GAD2: variants seen among roughly 807,000 people sequenced by gnomAD.
The protein encoded by GAD2 is 65 kDa glutamic acid decarboxylase.
GAD2 carries 22 observed loss-of-function variants against 80.1 expected under a neutral mutation model. That is an observed-to-expected ratio of 0.27 (90% CI 0.20 to 0.39). The LOEUF is 0.39. GAD2 is among the 10% of genes least tolerant of loss of function. The probability of loss-of-function intolerance (pLI) is 1.00; values close to 1 mark genes in which losing one functional copy is unlikely to be tolerated. For missense variants in GAD2, 624 were observed against 738.4 expected (o/e 0.85, Z 1.80); for synonymous variants, 274 against 256.9 (o/e 1.07, Z -0.64).
rs530029416 is a variant in GAD2, at chr10:26,294,779, A to T, written c.1584+1788A>T. On this transcript the variant is annotated intron_variant, in intron 15 of 15. Transcript: ENST00000376261. Reference sequence around the variant, plus strand: ...ATGAGTAGAGGTCGCATTGGATAAGATGATCGGTGCAGGCAATAACAACGA... The same window carrying T: ...ATGAGTAGAGGTCGCATTGGATAAGTTGATCGGTGCAGGCAATAACAACGA... Among the ~76,000 whole-genome samples the T allele has an allele frequency of 4.5e-4, 68 of 152,308 alleles. 1 individual carries two copies. The South Asian group carries it at 0.012, about 28-fold the overall frequency.
At position 26,224,678 on chromosome 10, in the gene GAD2, G is replaced by GT. The variant is rs1254188639; in HGVS notation, c.724+33dup. Reference sequence around the variant, plus strand: ...TACATGATATTTCAACTTTCTTTGTGTTTTTTCTTCTAATATGCAATGCCT... The same window carrying GT: ...TACATGATATTTCAACTTTCTTTGTGTTTTTTTCTTCTAATATGCAATGCCT... On this transcript the variant is annotated intron_variant, in intron 6 of 15. Transcript: ENST00000376261. 3.3e-6 allele frequency: 5 copies of GT among 1,529,538 alleles called. No homozygotes were observed. The East Asian group carries it at 6.7e-5, about 21-fold the overall frequency. 94.7% of individuals were successfully genotyped at this position (1,529,538 alleles called of 1,614,324 possible). A position where few individuals can be genotyped will look rare whatever the true frequency, so the allele number is the denominator to read the frequency against.
chr10:26,255,454 C>T (rs181237425), intron 8 of GAD2, among the ~76,000 whole-genome samples: 182 of 152,004 alleles, frequency 1.2e-3, no homozygotes, highest in Non-Finnish European at 1.8e-3. Flanking sequence ...GAGGTGGAGC[C>T]GTGAAGGGGA....
chr10:26,229,530 G>C (rs1039526673), intron 6 of GAD2, 132 bp from the exon 7 acceptor site: 6 of 649,846 alleles, frequency 9.2e-6, no homozygotes, highest in African/African-American at 3.6e-5. Context: ...TGAGGATTCA[G>C]TTTAAAGATA....
chr10:26,282,838 A>T (rs1482716540), intron 12 of GAD2, among the ~76,000 whole-genome samples: 1 of 152,198 alleles, frequency 6.6e-6, no homozygotes, highest in Non-Finnish European at 1.5e-5. Context: ...AAAAATATGG[A>T]CACAGGATTG....
chr10:26,274,872 C>A (rs1845180264), intron 11 of GAD2, among the ~76,000 whole-genome samples: 1 of 152,194 alleles, frequency 6.6e-6, no homozygotes, highest in Non-Finnish European at 1.5e-5. Flanking sequence ...TCAGAAGGGT[C>A]ACTGTCCCTG....
Position 26,229,018 on chromosome 10 carries a change from C to T in GAD2, c.725-644C>T, listed in dbSNP as rs376885022. On this transcript the variant is annotated intron_variant, in intron 6 of 15. Coordinates refer to ENST00000376261, the MANE Select transcript of GAD2 (RefSeq NM_001134366.2). ...CAGCCTGGCCAATGTGGTGAAACCC[C>T]GTCTCTACTAAAAATACACAAAAAA... Among the ~76,000 whole-genome samples, 12 of 151,758 alleles carry T rather than the reference C, an allele frequency of 7.9e-5. 1 individual carries two copies. In the South Asian group the frequency reaches 2.1e-3, roughly 26 times the overall value.
chr10:26,300,457 G>A (rs12358823), intron 15 of GAD2, among the ~76,000 whole-genome samples: 2 of 152,094 alleles, frequency 1.3e-5, no homozygotes, highest in African/African-American at 4.8e-5. Context: ...GGGGGAAAAT[G>A]CCCCCAAACG....
At chr10:26,266,689 T>C (rs1490204766) in intron 8 of GAD2, among the ~76,000 whole-genome samples, 1 of 152,216 alleles carries the variant, frequency 6.6e-6, no homozygotes, top group Non-Finnish European at 1.5e-5. Context: ...TTGACAAGCC[T>C]ACTCCCTCCT....
intron 10 of GAD2, among the ~76,000 whole-genome samples, chr10:26,272,693 G>A (rs570638445): frequency 2.0e-5 from 3 of 152,166 alleles, no homozygotes; most frequent in South Asian, 2.1e-4. Flanking sequence ...GTGAAACCTC[G>A]TCTCTACTAA....
intron 7 of GAD2, among the ~76,000 whole-genome samples, chr10:26,238,077 G>A (rs1002307297): frequency 1.3e-5 from 2 of 151,296 alleles, no homozygotes; most frequent in African/African-American, 4.9e-5. Flanking sequence ...CATGAATTTT[G>A]TTCGAAGATT....
chr10:26,289,793 CTTTT>C (rs35001308), intron 13 of GAD2, among the ~76,000 whole-genome samples: 13 of 135,938 alleles, frequency 9.6e-5, no homozygotes, highest in Non-Finnish European at 7.8e-5. Context: ...TCCCCCCCAC[CTTTT>C]TTTTTTTTTT....
intron 12 of GAD2, among the ~76,000 whole-genome samples, chr10:26,282,290 T>C (rs935396883): frequency 6.6e-6 from 1 of 152,176 alleles, no homozygotes; most frequent in African/African-American, 2.4e-5. Context: ...TGTTCCTAGT[T>C]ATACAGTTAA....
chr10:26,221,145 C>A (rs1844447212), intron 4 of GAD2, among the ~76,000 whole-genome samples: 1 of 152,234 alleles, frequency 6.6e-6, no homozygotes, highest in African/African-American at 2.4e-5. Flanking sequence ...TTATAGATTT[C>A]TGTGCTATAA....
At position 26,235,929 on chromosome 10, in the gene GAD2, C is replaced by G. The variant is rs548413050; in HGVS notation, c.840+6152C>G. Among the ~76,000 whole-genome samples the G allele has an allele frequency of 3.9e-5, 6 of 152,266 alleles. No individual in the cohort carries two copies. The East Asian group carries it at 1.2e-3, about 29-fold the overall frequency. ...CATAACCTCATCTAGGAAACATATT[C>G]TTCCTAATCATAACAAACAGTGGCT... On this transcript the variant is annotated intron_variant, in intron 7 of 15. Transcript: ENST00000376261.
chr10:26,285,664 C>A (rs1344105107), intron 12 of GAD2, among the ~76,000 whole-genome samples: 1 of 152,124 alleles, frequency 6.6e-6, no homozygotes, highest in Non-Finnish European at 1.5e-5. Flanking sequence ...TCTCAAGGAA[C>A]TGAGTATGCG....
chr10:26,300,819 A>G lies in GAD2; in HGVS notation c.1616A>G (p.Glu539Gly). 6.2e-7 allele frequency: 1 copy of G among 1,613,844 alleles called. No individual in the cohort carries two copies. Among genetic ancestry groups the G allele is most frequent in the South Asian group, 1.1e-5 (1 of 91,046 alleles). The change falls in exon 16 of 16, where the codon GAG becomes GGG. Residue 539 changes from glutamate to glycine, a missense_variant. Glu to Gly is a moderately conservative substitution (Grantham distance 98, BLOSUM62 -2). Coordinates refer to ENST00000376261, the MANE Select transcript of GAD2 (RefSeq NM_001134366.2). ...VAPVIKARMM[E>G]YGTTMVSYQP... The stretch of plus-strand genomic sequence containing the variant: ...CCAGTGATTAAAGCCAGAATGATGG[A>G]GTATGGAACCACAATGGTCAGCTAC...
At chr10:26,234,504 C>T (rs1222110084) in intron 7 of GAD2, among the ~76,000 whole-genome samples, 1 of 152,118 alleles carries the variant, frequency 6.6e-6, no homozygotes, top group Non-Finnish European at 1.5e-5. Flanking sequence ...ACTTTTTTTG[C>T]ATTCAGTGTA....
At chr10:26,286,097 T>C (rs1258385723) in intron 12 of GAD2, among the ~76,000 whole-genome samples, 1 of 152,206 alleles carries the variant, frequency 6.6e-6, no homozygotes, top group East Asian at 1.9e-4. Context: ...AGTAAAAGTA[T>C]AAATGTGTCC....
Position 26,245,999 on chromosome 10 carries a change from A to T in GAD2, c.919A>T (p.Arg307Ter). 1 of 1,613,574 alleles carries T rather than the reference A, an allele frequency of 6.2e-7. No homozygotes were observed. The highest frequency in any genetic ancestry group is 8.5e-7 in the Non-Finnish European group (1 of 1,179,568). The change falls in exon 8 of 16, where the codon AGA becomes TGA. Residue 307 changes from arginine to a stop codon, truncating the protein, a stop_gained and splice_region_variant. Coordinates refer to ENST00000376261, the MANE Select transcript of GAD2 (RefSeq NM_001134366.2). LOFTEE classifies it high-confidence loss of function. ...CGTGATTCTGATTAAATGTGATGAG[A>T]GGTGAGCACGCATCGGCAACTCTTG... ...DSVILIKCDE[R>*]GKMIPSDLER...
Sources: allele counts gnomAD v4.1 joint callset (sites outside exome capture counted in the v4.1 genomes callset), GRCh38; gene constraint gnomAD v4.1.1; transcripts MANE v1.5; gene names NCBI Gene and HGNC (gene_info 2026-07-23, HGNC 2026-07-21).